Variants in KCNV2 observed in about 807,000 individuals in gnomAD.
KCNV2 encodes the protein potassium voltage-gated channel subfamily V member 2.
In KCNV2, 65 loss-of-function variants were observed where a neutral mutation model predicts 37.0. The ratio of observed to expected loss-of-function variants is 1.76; its 90% CI spans 1.44 to 2.16. The LOEUF (loss-of-function observed/expected upper bound fraction) is 2.16, where lower values mean the gene tolerates loss of function less well. Among genes scored for constraint, KCNV2 ranks in the 30% most tolerant of loss-of-function variants. KCNV2 has a pLI of 0.00. For synonymous variants in KCNV2, 518 were observed against 328.6 expected, an observed-to-expected ratio of 1.58 and a Z score of -6.23; for missense variants, 1,232 against 766.7, an observed-to-expected ratio of 1.61 and a Z score of -7.17.
At position 2,718,972 on chromosome 9, in the gene KCNV2, G is replaced by A. The variant is rs765420295; in HGVS notation, c.1233G>A (p.Val411=). Residue 411 remains valine (V), a synonymous_variant, in exon 1 of 2, where the codon GTG becomes GTA. Transcript: ENST00000382082. ...GFTLRQCYQQ[V]GCLLLFIAMG... is the part of the protein sequence containing the mutation. ...CGCTGCGCCAGTGCTACCAGCAGGT[G>A]GGCTGCCTGCTGCTCTTCATCGCCA... The A allele has an allele frequency of 3.1e-6, 5 of 1,611,198 alleles. No individual in the cohort carries two copies. The East Asian group carries it at 1.1e-4, about 36-fold the overall frequency.
chr9:2,722,101 TAG>T (rs1334203406), intron 1 of KCNV2, among the ~76,000 whole-genome samples: 1 of 139,042 alleles, frequency 7.2e-6, no homozygotes, highest in Non-Finnish European at 1.5e-5. Context: ...ATAAATAAAT[TAG>T]AAGTTATTTA....
At chr9:2,722,410 AGTT>A (rs1173929538) in intron 1 of KCNV2, among the ~76,000 whole-genome samples, 35 of 138,542 alleles carry the variant, frequency 2.5e-4, no homozygotes, top group South Asian at 1.1e-3. Context: ...TTTATAAATA[AGTT>A]ATTTATAAAT....
chr9:2,724,896 A>T (rs146971002), intron 1 of KCNV2, among the ~76,000 whole-genome samples: 1 of 152,258 alleles, frequency 6.6e-6, no homozygotes, highest in Non-Finnish European at 1.5e-5. Context: ...GAGACAACAT[A>T]TAAATATCTG....
intron 1 of KCNV2, among the ~76,000 whole-genome samples, chr9:2,726,589 G>A (rs1586691368): frequency 6.6e-6 from 1 of 152,088 alleles, no homozygotes; most frequent in Non-Finnish European, 1.5e-5. Context: ...TTCTTCCTCA[G>A]TGTCTTCCTA....
In KCNV2 at chr9:2,717,682, G is replaced by C. The variant is rs1305598842; in HGVS notation, c.-58G>C. 7.4e-6 allele frequency: 12 copies of C among 1,610,844 alleles called. No individual in the cohort carries two copies. The highest frequency in any genetic ancestry group is 1.3e-5 in the African/African-American group (1 of 74,868). Reference sequence around the variant, plus strand: ...TCCATCCTCCTAGAGGCAGTGAGCAGGTGAGGGACCCCTACCACAGCCAGG... The same window carrying C: ...TCCATCCTCCTAGAGGCAGTGAGCACGTGAGGGACCCCTACCACAGCCAGG... On this transcript the variant is annotated 5_prime_UTR_variant, in exon 1 of 2. Coordinates refer to ENST00000382082, the MANE Select transcript of KCNV2 (RefSeq NM_133497.4).
At chr9:2,723,408 C>G (rs1265706884) in intron 1 of KCNV2, among the ~76,000 whole-genome samples, 2 of 152,168 alleles carry the variant, frequency 1.3e-5, no homozygotes, top group East Asian at 1.9e-4. Context: ...TAATTCAACT[C>G]AAGGATTTAA....
In KCNV2 at chr9:2,729,936, C is replaced by T; in HGVS notation, c.*209C>T. On this transcript the variant is annotated 3_prime_UTR_variant, in exon 2 of 2. Transcript: ENST00000382082. Reference sequence around the variant, plus strand: ...CTCTGTGTTGTGTGAAACATCTGACCTTCTCAATGACGTTGATATTGAAAA... The same window carrying T: ...CTCTGTGTTGTGTGAAACATCTGACTTTCTCAATGACGTTGATATTGAAAA... 1.7e-6 allele frequency: 1 copy of T among 586,702 alleles called. No homozygotes were observed. Among genetic ancestry groups the T allele is most frequent in the South Asian group, 2.2e-5 (1 of 46,266 alleles). The allele number at this position is 586,702 out of a possible 1,614,324, so 36.3% of individuals were successfully genotyped here. A position where few individuals can be genotyped will look rare whatever the true frequency, so the allele number is the denominator to read the frequency against.
Position 2,718,734 on chromosome 9 carries a change from GCA to G in KCNV2, c.996_997del (p.Ser333ArgfsTer38). 6.2e-7 allele frequency: 1 copy of G among 1,612,316 alleles called. No homozygotes were observed. Among genetic ancestry groups the G allele is most frequent in the Middle Eastern group, 1.6e-4 (1 of 6,062 alleles). Reference sequence around the variant, plus strand: ...ACGCCCGACCTGAGGCGCTTCGCGCGCAGCGCCCTCAACCTGGTGGACCTGGT... The same window carrying G: ...ACGCCCGACCTGAGGCGCTTCGCGCGGCGCCCTCAACCTGGTGGACCTGGT... On this transcript the variant is annotated frameshift_variant, in exon 1 of 2. Coordinates refer to ENST00000382082, the MANE Select transcript of KCNV2 (RefSeq NM_133497.4). LOFTEE classifies it high-confidence loss of function.
intron 1 of KCNV2, among the ~76,000 whole-genome samples, chr9:2,729,168 G>T (rs1490172515): frequency 6.6e-6 from 1 of 152,104 alleles, no homozygotes; most frequent in East Asian, 1.9e-4. Flanking sequence ...TTTCAAGTAG[G>T]TATTACCTCC....
chr9:2,724,034 G>A (rs1303003439), intron 1 of KCNV2, among the ~76,000 whole-genome samples: 1 of 151,332 alleles, frequency 6.6e-6, no homozygotes, highest in Non-Finnish European at 1.5e-5. Flanking sequence ...CGGGGGTTGG[G>A]GGGTGGAGGG....
rs763962122 is a variant in KCNV2 at position 2,718,912 on chromosome 9, G to A, written c.1173G>A (p.Ala391=). ...LMRIFRILKL[A]RHSTGLRAFG... is the part of the protein sequence containing the mutation. ...GCATCTTCCGCATCCTCAAGCTGGC[G>A]CGCCACTCCACCGGACTGCGTGCCT... Residue 391 remains alanine, a synonymous_variant, in exon 1 of 2, where the codon GCG becomes GCA. Transcript: ENST00000382082. 10 of 1,608,956 alleles carry A rather than the reference G, an allele frequency of 6.2e-6. No homozygotes were observed. In the Admixed American group the frequency reaches 6.7e-5, roughly 11 times the overall value.
chr9:2,729,969 G>A lies in KCNV2; in HGVS notation c.*242G>A. 1 of 497,096 alleles carries A rather than the reference G, an allele frequency of 2.0e-6. No homozygotes were observed. Among genetic ancestry groups the A allele is most frequent in the Non-Finnish European group, 3.6e-6 (1 of 279,280 alleles). The allele number at this position is 497,096 out of a possible 1,614,324, so 30.8% of individuals were successfully genotyped here. ...TGACGTTGATATTGAAAACCTGAGG[G>A]GAGCAACAGCTTAGATTTTTCTTGT... is the stretch of plus-strand genomic sequence containing the variant. On this transcript the variant is annotated 3_prime_UTR_variant, in exon 2 of 2. Transcript: ENST00000382082.
In KCNV2 at chr9:2,718,208, G is replaced by A. The variant is rs773801117; in HGVS notation, c.469G>A (p.Val157Ile). 4 of 1,613,476 alleles carry A rather than the reference G, an allele frequency of 2.5e-6. No individual in the cohort carries two copies. The highest frequency in any genetic ancestry group is 2.2e-5 in the East Asian group (1 of 44,854). The change falls in exon 1 of 2, where the codon GTC (valine) becomes ATC (isoleucine). Residue 157 changes from valine to isoleucine, a missense_variant. Transcript: ENST00000382082. ...ATACTTCTTCGACCGCGACCCGGCC[G>A]TCTTCCAGCTGGTCTACAATTTCTA... Reference protein sequence around the residue: ...DEYFFDRDPAVFQLVYNFYLS... With the variant: ...DEYFFDRDPAIFQLVYNFYLS...
Position 2,718,352 on chromosome 9 carries a change from G to C in KCNV2, c.613G>C (p.Glu205Gln), listed in dbSNP as rs753157401. 1.2e-6 allele frequency: 2 copies of C among 1,600,118 alleles called. No individual in the cohort carries two copies. Among genetic ancestry groups the C allele is most frequent in the Non-Finnish European group, 1.7e-6 (2 of 1,175,210 alleles). ...ACGCTGCTGCCGCATCTGCTTCGAG[G>C]AGCGGCGCGACGAGCTGAGCGAACG... The part of the protein sequence containing the change: ...TPRCCRICFE[E>Q]RRDELSERLK... Residue 205 changes from glutamate (E) to glutamine (Q), a missense_variant, in exon 1 of 2, where the codon GAG (glutamate) becomes CAG (glutamine). Transcript: ENST00000382082.
In KCNV2 at chr9:2,717,983, A is replaced by G; in HGVS notation, c.244A>G (p.Thr82Ala). Residue 82 changes from threonine to alanine, a missense_variant, in exon 1 of 2, where the codon ACC becomes GCC. Coordinates refer to ENST00000382082, the MANE Select transcript of KCNV2 (RefSeq NM_133497.4). ...AEEDQQAGEV[T>A]TAKPEGPSDP... ...AGAGGACCAGCAGGCAGGGGAGGTC[A>G]CCACCGCCAAGCCCGAGGGCCCCAG... The G allele has an allele frequency of 3.7e-6, 6 of 1,614,076 alleles. No individual in the cohort carries two copies. Among genetic ancestry groups the G allele is most frequent in the Non-Finnish European group, 5.1e-6 (6 of 1,180,000 alleles).
chr9:2,717,925 G>T lies in KCNV2; in HGVS notation c.186G>T (p.Glu62Asp), dbSNP rs746642826. Reference sequence around the variant, plus strand: ...ACATCGAGGAAGACGAAGACGGCGAGGAGGAGGACCAGTGGAAGGACGACC... The same window carrying T: ...ACATCGAGGAAGACGAAGACGGCGATGAGGAGGACCAGTGGAAGGACGACC... ...NYYIEEDEDGEEEDQWKDDLA... is the reference protein window; with the variant it reads ...NYYIEEDEDGDEEDQWKDDLA... Residue 62 changes from glutamate (E) to aspartate (D), a missense_variant, in exon 1 of 2, where the codon GAG becomes GAT. Glu to Asp is a conservative substitution (Grantham distance 45, BLOSUM62 2). Transcript: ENST00000382082. 1 of 1,614,072 alleles carries T rather than the reference G, an allele frequency of 6.2e-7. No homozygotes were observed. The highest frequency in any genetic ancestry group is 1.7e-5 in the Admixed American group (1 of 60,022).
intron 1 of KCNV2, among the ~76,000 whole-genome samples, chr9:2,726,785 A>G (rs185087487): frequency 7.0e-4 from 107 of 152,242 alleles, no homozygotes; most frequent in African/African-American, 2.5e-3. Flanking sequence ...AGGGCCATCA[A>G]TCATTACCGC....
intron 1 of KCNV2, among the ~76,000 whole-genome samples, chr9:2,722,188 A>T (rs191857406): frequency 0.11 from 12,290 of 110,966 alleles, 1,329 homozygotes; most frequent in African/African-American, 0.17. Flanking sequence ...TATAAATAAA[A>T]TAGAAGTTAT....
Position 2,729,432 on chromosome 9 carries a change from T to TCC in KCNV2, c.1357-13_1357-12dup. ...TAGTGCTAACAATTCCATCCTGCTT[T>TCC]CCTTCCTCTACAGGTGAGCATCTCC... On this transcript the variant is annotated splice_polypyrimidine_tract_variant and intron_variant, in intron 1 of 1. Coordinates refer to ENST00000382082, the MANE Select transcript of KCNV2 (RefSeq NM_133497.4). 6.2e-7 allele frequency: 1 copy of TCC among 1,612,954 alleles called. No individual in the cohort carries two copies. Among genetic ancestry groups the TCC allele is most frequent in the South Asian group, 1.1e-5 (1 of 91,032 alleles).
Sources: allele counts gnomAD v4.1 joint callset (sites outside exome capture counted in the v4.1 genomes callset), GRCh38; gene constraint gnomAD v4.1.1; transcripts MANE v1.5; gene names NCBI Gene and HGNC (gene_info 2026-07-23, HGNC 2026-07-21).